ARNT2: variants seen among roughly 807,000 people sequenced by gnomAD.
ARNT2 encodes the protein aryl hydrocarbon receptor nuclear translocator 2.
In ARNT2, 36 loss-of-function variants were observed where a neutral mutation model predicts 91.7. That is an observed-to-expected ratio of 0.39 (90% CI 0.30 to 0.52). ARNT2 has a LOEUF of 0.52. Among genes scored for constraint, ARNT2 ranks in the 20% least tolerant of loss-of-function variants. The pLI is 0.72. For synonymous variants in ARNT2, 365 were observed against 347.1 expected, an observed-to-expected ratio of 1.05 and a Z score of -0.57; for missense variants, 775 against 939.3, an observed-to-expected ratio of 0.83 and a Z score of 2.29.
At chr15:80,407,195 G>A (rs959760113) in intron 1 of ARNT2, among the ~76,000 whole-genome samples, 4 of 152,168 alleles carry the variant, frequency 2.6e-5, no homozygotes, top group African/African-American at 9.7e-5. Flanking sequence ...CGTGTCCAGG[G>A]TACAAAGGCC....
At chr15:80,523,984 G>A (rs1045045167) in intron 8 of ARNT2, among the ~76,000 whole-genome samples, 6 of 152,148 alleles carry the variant, frequency 3.9e-5, no homozygotes, top group Non-Finnish European at 7.3e-5. Flanking sequence ...GTATTTGAGG[G>A]GGTGTCATAT....
At chr15:80,552,295 G>T (rs1360609306) in intron 9 of ARNT2, among the ~76,000 whole-genome samples, 1 of 152,196 alleles carries the variant, frequency 6.6e-6, no homozygotes, top group African/African-American at 2.4e-5. Context: ...GAAGGTGGGG[G>T]AAGAGAAGGG....
intron 10 of ARNT2, 98 bp downstream of exon 10, chr15:80,552,872 G>A (rs1273487404): frequency 1.8e-5 from 27 of 1,463,010 alleles, no homozygotes; most frequent in Middle Eastern, 1.8e-4. Context: ...TGGCCATGTG[G>A]AGAAACATCA....
intron 8 of ARNT2, among the ~76,000 whole-genome samples, chr15:80,520,126 A>G (rs2141432960): frequency 6.6e-6 from 1 of 151,594 alleles, no homozygotes; most frequent in East Asian, 1.9e-4. Context: ...CCTGAGATTT[A>G]TCTTCCTTTC....
At chr15:80,423,524 T>C (rs372198696) in intron 1 of ARNT2, among the ~76,000 whole-genome samples, 1 of 152,200 alleles carries the variant, frequency 6.6e-6, no homozygotes, top group South Asian at 2.1e-4. Context: ...TATTGATAGA[T>C]TTCCCAAGGT....
chr15:80,577,165 A>G (rs554290094), intron 15 of ARNT2, among the ~76,000 whole-genome samples, 200 bp downstream of exon 15: 39 of 152,290 alleles, frequency 2.6e-4, no homozygotes, highest in Admixed American at 5.2e-4. Context: ...TCCTGGTGTC[A>G]GTTACTCTTT....
In ARNT2 at chr15:80,509,163, C is replaced by T. The variant is rs550031088; in HGVS notation, c.725+905C>T. Among the ~76,000 whole-genome samples the T allele has an allele frequency of 9.0e-4, 137 of 152,250 alleles. 1 individual carries two copies. Among genetic ancestry groups the T allele is most frequent in the Non-Finnish European group, 1.7e-3 (114 of 68,018 alleles). ...CAATGTTAAGTAAAGCAAACAAGGC[C>T]GGGTGTGGTGGCTCATGCCTGTAAT... On this transcript the variant is annotated intron_variant, in intron 6 of 18. Coordinates refer to ENST00000303329, the MANE Select transcript of ARNT2 (RefSeq NM_014862.4).
At chr15:80,526,028 C>T (rs929115815) in intron 8 of ARNT2, among the ~76,000 whole-genome samples, 8 of 152,202 alleles carry the variant, frequency 5.3e-5, no homozygotes, top group Non-Finnish European at 8.8e-5. Flanking sequence ...CCACTTGCAA[C>T]ATGTCTGCTT....
At chr15:80,576,282 AT>A (rs71153540) in intron 14 of ARNT2, among the ~76,000 whole-genome samples, 54,078 of 149,818 alleles carry the variant, frequency 0.36, 12,650 homozygotes, top group Non-Finnish European at 0.52. Flanking sequence ...ACTCTCATTA[AT>A]TTTTTTTTTT....
chr15:80,456,001 G>A (rs1896476392), intron 2 of ARNT2, among the ~76,000 whole-genome samples: 1 of 152,180 alleles, frequency 6.6e-6, no homozygotes, highest in African/African-American at 2.4e-5. Flanking sequence ...GTGGCAGCGT[G>A]GTTCTGCGGC....
intron 5 of ARNT2, among the ~76,000 whole-genome samples, chr15:80,503,303 A>G (rs1204078142): frequency 6.6e-6 from 1 of 152,200 alleles, no homozygotes; most frequent in African/African-American, 2.4e-5. Flanking sequence ...CTCAACTGCT[A>G]TTACATTTGT....
At chr15:80,506,349 A>G (rs1468350373) in intron 5 of ARNT2, among the ~76,000 whole-genome samples, 1 of 152,232 alleles carries the variant, frequency 6.6e-6, no homozygotes, top group Non-Finnish European at 1.5e-5. Context: ...ACCCAATTCC[A>G]ACAAGGATAA....
intron 3 of ARNT2, among the ~76,000 whole-genome samples, chr15:80,464,635 G>A (rs1396825020): frequency 6.6e-6 from 1 of 152,200 alleles, no homozygotes; most frequent in Non-Finnish European, 1.5e-5. Flanking sequence ...CCTTCCTGGA[G>A]CAGCCTCAGA....
At chr15:80,419,443 C>T (rs546173117) in intron 1 of ARNT2, among the ~76,000 whole-genome samples, 78 of 152,328 alleles carry the variant, frequency 5.1e-4, no homozygotes, top group African/African-American at 1.6e-3. Flanking sequence ...TCCTAACACA[C>T]GGATTTGCCT....
chr15:80,468,165 G>T (rs1415942799), intron 3 of ARNT2, among the ~76,000 whole-genome samples: 80 of 152,036 alleles, frequency 5.3e-4, no homozygotes, highest in South Asian at 6.2e-4. Flanking sequence ...TTTGTGCCGT[G>T]GCTGGTGTTT....
At chr15:80,489,228 G>A (rs959773699) in intron 5 of ARNT2, among the ~76,000 whole-genome samples, 3 of 152,224 alleles carry the variant, frequency 2.0e-5, no homozygotes, top group African/African-American at 7.2e-5. Context: ...ATTTCCCTCT[G>A]AAATGTCATG....
At chr15:80,438,300 T>A (rs1218008213) in intron 1 of ARNT2, among the ~76,000 whole-genome samples, 1 of 152,152 alleles carries the variant, frequency 6.6e-6, no homozygotes, top group Non-Finnish European at 1.5e-5. Flanking sequence ...ATGAACTACG[T>A]TGGTTTTGTT....
chr15:80,459,735 T>C (rs1300150749), intron 3 of ARNT2, among the ~76,000 whole-genome samples: 1 of 152,222 alleles, frequency 6.6e-6, no homozygotes, highest in Non-Finnish European at 1.5e-5. Flanking sequence ...TCCGTTTTTA[T>C]ACAGTCAAGG....
intron 5 of ARNT2, among the ~76,000 whole-genome samples, chr15:80,485,575 A>G (rs1346110717): frequency 2.0e-5 from 3 of 152,242 alleles, no homozygotes; most frequent in Non-Finnish European, 4.4e-5. Flanking sequence ...CAAACAATAC[A>G]GAATGGGACA....
Sources: allele counts gnomAD v4.1 joint callset (sites outside exome capture counted in the v4.1 genomes callset), GRCh38; gene constraint gnomAD v4.1.1; transcripts MANE v1.5; gene names NCBI Gene and HGNC (gene_info 2026-07-23, HGNC 2026-07-21).